The following ALPK2 variants were observed in gnomAD, a reference collection of about 807,000 sequenced individuals.
The protein encoded by ALPK2 is alpha-protein kinase 2.
Under a neutral mutation model 163.1 loss-of-function variants are expected in ALPK2, and 127 were observed. The observed-to-expected ratio is 0.78, with a 90% confidence interval of 0.67 to 0.90. The LOEUF is 0.90. ALPK2 is among the 40% of genes least tolerant of loss of function. The pLI, the probability that ALPK2 is intolerant of heterozygous loss-of-function variation, is 0.00. For missense variants in ALPK2, 2,360 were observed against 2,589.6 expected, an observed-to-expected ratio of 0.91 and a Z score of 1.92; for synonymous variants, 953 against 959.1, an observed-to-expected ratio of 0.99 and a Z score of 0.12.
intron 4 of ALPK2, among the ~76,000 whole-genome samples, chr18:58,573,236 G>A (rs907730614): frequency 5.7e-5 from 8 of 139,356 alleles, no homozygotes; most frequent in African/African-American, 8.2e-5. Flanking sequence ...GTATATGTGT[G>A]TATATATGTG....
chr18:58,485,166 T>C (rs951983866), intron 12 of ALPK2, among the ~76,000 whole-genome samples: 8 of 152,018 alleles, frequency 5.3e-5, no homozygotes, highest in Non-Finnish European at 8.8e-5. Flanking sequence ...CCCTGCCCGG[T>C]GGGAGAGAGT....
chr18:58,563,022 A>G (rs535159884), intron 4 of ALPK2, among the ~76,000 whole-genome samples: 1 of 152,258 alleles, frequency 6.6e-6, no homozygotes, highest in Admixed American at 6.5e-5. Context: ...GGTTACAAAC[A>G]TTAGCCCATA....
intron 12 of ALPK2, among the ~76,000 whole-genome samples, chr18:58,495,970 G>A (rs946823830): frequency 2.2e-4 from 34 of 152,180 alleles, no homozygotes; most frequent in African/African-American, 8.2e-4. Flanking sequence ...CATGGAGCCT[G>A]GAAAGGAAGG....
Position 58,516,855 on chromosome 18 carries a change from A to T in ALPK2, c.5940+53T>A, listed in dbSNP as rs574574123. The T allele has an allele frequency of 1.1e-3, 1,691 of 1,581,424 alleles. 4 individuals carry two copies. The highest frequency in any genetic ancestry group is 1.4e-3 in the Non-Finnish European group (1,562 of 1,155,074). ...CTGAGTCTGATTTTCATCTCGTCTTATCATGGGTGGTTCTCACACCAGAAG... is the reference window on the plus strand; with the variant it reads ...CTGAGTCTGATTTTCATCTCGTCTTTTCATGGGTGGTTCTCACACCAGAAG... On this transcript the variant is annotated intron_variant, in intron 9 of 12. Transcript: ENST00000361673.
rs1298832141 is a variant in ALPK2 at position 58,535,596 on chromosome 18, T to C, written c.4591A>G (p.Lys1531Glu). The C allele has an allele frequency of 5.6e-6, 9 of 1,614,236 alleles. No individual in the cohort carries two copies. Among genetic ancestry groups the C allele is most frequent in the Non-Finnish European group, 7.6e-6 (9 of 1,180,034 alleles). The change falls in exon 5 of 13, where the codon AAA becomes GAA. Residue 1531 changes from lysine to glutamate, a missense_variant. By Grantham distance (56) the Lys-to-Glu change is moderately conservative. Transcript: ENST00000361673. Reference protein sequence around the residue: ...LGEAEQSKKDKAELISPTSPL... With the variant: ...LGEAEQSKKDEAELISPTSPL... ...GAAGTGGGGGAAATCAATTCTGCTT[T>C]GTCCTTTTTGCTTTGCTCAGCCTCC...
intron 12 of ALPK2, among the ~76,000 whole-genome samples, chr18:58,493,763 C>T (rs958989894): frequency 3.3e-5 from 5 of 152,118 alleles, no homozygotes; most frequent in South Asian, 2.1e-4. Context: ...TAAGCCTCGT[C>T]GTTCCTTCCT....
At position 58,611,765 on chromosome 18, in the gene ALPK2, C is replaced by T. The variant is rs367957420; in HGVS notation, c.33G>A (p.Pro11=). Residue 11 remains proline (P), a synonymous_variant, in exon 2 of 13, where the codon CCG becomes CCA. Coordinates refer to ENST00000361673, the MANE Select transcript of ALPK2 (RefSeq NM_052947.4). MKDSEGPQRP[P]LCFLSTLLSQ... ...AAAGCAATGTAGATAAAAAACACAG[C>T]GGGGGCCTCTGGGGCCCTTCGGAGT... The T allele has an allele frequency of 1.2e-5, 20 of 1,610,426 alleles. No individual in the cohort carries two copies. Among genetic ancestry groups the T allele is most frequent in the East Asian group, 2.2e-5 (1 of 44,798 alleles).
chr18:58,545,520 G>C (rs1203552751), intron 4 of ALPK2, among the ~76,000 whole-genome samples: 2 of 152,198 alleles, frequency 1.3e-5, no homozygotes, highest in African/African-American at 4.8e-5. Context: ...ACTTGAAGTA[G>C]AGTGGGGGAG....
intron 4 of ALPK2, among the ~76,000 whole-genome samples, chr18:58,558,119 T>C (rs1461888468): frequency 6.6e-6 from 1 of 152,212 alleles, no homozygotes; most frequent in Non-Finnish European, 1.5e-5. Context: ...AAAGCTGATA[T>C]ATGTGATATT....
chr18:58,488,108 G>A (rs1602181817), intron 12 of ALPK2, among the ~76,000 whole-genome samples: 1 of 100,698 alleles, frequency 9.9e-6, no homozygotes, highest in East Asian at 3.1e-4. Context: ...ACTCAAAAGT[G>A]GTGATCTACA....
At chr18:58,611,862 T>A in intron 1 of ALPK2, 45 bp from the exon 2 acceptor site, 1 of 1,235,000 alleles carries the variant, frequency 8.1e-7, no homozygotes, top group Non-Finnish European at 1.1e-6. Flanking sequence ...GTTCTGGGAT[T>A]TCTCTGGCCT....
chr18:58,534,813 T>C, intron 5 of ALPK2, 21 bp downstream of exon 5: 1 of 1,581,078 alleles, frequency 6.3e-7, no homozygotes, highest in Admixed American at 1.8e-5. Context: ...TTAACAATGA[T>C]GGACAGCAAC....
chr18:58,609,205 G>C (rs568373702), intron 2 of ALPK2, among the ~76,000 whole-genome samples: 4 of 151,744 alleles, frequency 2.6e-5, no homozygotes, highest in Admixed American at 2.6e-4. Flanking sequence ...TCTCCTTCAG[G>C]TAAACACCTG....
At chr18:58,512,253 A>T (rs1323668962) in intron 10 of ALPK2, 1 of 152,218 alleles carries the variant, frequency 6.6e-6, no homozygotes, top group Non-Finnish European at 1.5e-5. Flanking sequence ...AACCAGAAAC[A>T]AGAGCTGGGC....
intron 4 of ALPK2, among the ~76,000 whole-genome samples, chr18:58,560,144 G>A (rs1193144830): frequency 6.6e-6 from 1 of 152,184 alleles, no homozygotes; most frequent in Non-Finnish European, 1.5e-5. Flanking sequence ...GGAGGTGACT[G>A]AATTATGGGG....
At chr18:58,604,301 T>TATAACTA (rs1444614777) in intron 3 of ALPK2, among the ~76,000 whole-genome samples, 1 of 152,200 alleles carries the variant, frequency 6.6e-6, no homozygotes, top group Non-Finnish European at 1.5e-5. Context: ...AGACTAATAT[T>TATAACTA]ATAACTAACA....
chr18:58,495,046 G>A (rs2051394535), intron 12 of ALPK2, among the ~76,000 whole-genome samples: 1 of 152,020 alleles, frequency 6.6e-6, no homozygotes, highest in Non-Finnish European at 1.5e-5. Context: ...CATGCCCCAT[G>A]CCCCATGCCC....
intron 4 of ALPK2, among the ~76,000 whole-genome samples, chr18:58,557,528 A>G (rs1025455621): frequency 2.0e-5 from 3 of 152,158 alleles, no homozygotes; most frequent in Non-Finnish European, 4.4e-5. Context: ...CAGGACATAT[A>G]TGGGAAATCT....
chr18:58,616,299 G>A (rs186423296), intron 1 of ALPK2, among the ~76,000 whole-genome samples: 19 of 152,254 alleles, frequency 1.2e-4, no homozygotes, highest in Non-Finnish European at 2.1e-4. Flanking sequence ...TTTTGGCCTT[G>A]GGAAACAGAA....
Sources: allele counts gnomAD v4.1 joint callset (sites outside exome capture counted in the v4.1 genomes callset), GRCh38; gene constraint gnomAD v4.1.1; transcripts MANE v1.5; gene names NCBI Gene and HGNC (gene_info 2026-07-23, HGNC 2026-07-21).